ALDH1L2: variants seen among roughly 807,000 people sequenced by gnomAD.
ALDH1L2 encodes mitochondrial 10-formyltetrahydrofolate dehydrogenase.
Under a neutral mutation model 111.0 loss-of-function variants are expected in ALDH1L2, and 91 were observed. The ratio of observed to expected loss-of-function variants is 0.82; its 90% CI spans 0.69 to 0.98. The LOEUF (loss-of-function observed/expected upper bound fraction) is 0.98. ALDH1L2 is among the 50% of genes least tolerant of loss of function. ALDH1L2 has a pLI of 0.00. For missense variants in ALDH1L2, 995 were observed against 1,126.8 expected, an observed-to-expected ratio of 0.88 and a Z score of 1.67; for synonymous variants, 374 against 392.6, an observed-to-expected ratio of 0.95 and a Z score of 0.56.
chr12:105,040,794 T>C, intron 15 of ALDH1L2, 100 bp from the exon 16 acceptor site: 1 of 949,086 alleles, frequency 1.1e-6, no homozygotes, highest in South Asian at 1.4e-5. Context: ...TCTCATTTTA[T>C]TTTTATTGTA....
intron 1 of ALDH1L2, among the ~76,000 whole-genome samples, chr12:105,076,812 A>G (rs919421081): frequency 6.6e-6 from 1 of 152,240 alleles, no homozygotes; most frequent in Non-Finnish European, 1.5e-5. Flanking sequence ...CCATGAGCCA[A>G]ACACTATGTT....
At chr12:105,055,565 A>G (rs118073274) in intron 10 of ALDH1L2, among the ~76,000 whole-genome samples, 1,646 of 152,324 alleles carry the variant, frequency 0.011, 15 homozygotes, top group Middle Eastern at 0.027. Flanking sequence ...AACAGGTGAA[A>G]AAAAAGCAGC....
chr12:105,047,313 A>G (rs571547645), intron 13 of ALDH1L2: 14 of 284,594 alleles, frequency 4.9e-5, no homozygotes, highest in Non-Finnish European at 8.8e-5. Flanking sequence ...ATCAAATACT[A>G]TGGTTCCCAT....
chr12:105,073,446 A>C (rs1045848948), intron 2 of ALDH1L2, among the ~76,000 whole-genome samples: 2 of 152,126 alleles, frequency 1.3e-5, no homozygotes, highest in African/African-American at 4.8e-5. Context: ...ACTAAGGAAG[A>C]GTTCATTTCC....
chr12:105,075,862 T>C (rs774633421), intron 1 of ALDH1L2, among the ~76,000 whole-genome samples: 1 of 152,316 alleles, frequency 6.6e-6, no homozygotes, highest in Admixed American at 6.5e-5. Context: ...CTCGGCTCAC[T>C]GCAGCCTCCG....
intron 6 of ALDH1L2, among the ~76,000 whole-genome samples, chr12:105,064,168 A>T (rs1377930073): frequency 1.4e-5 from 1 of 72,576 alleles, no homozygotes; most frequent in Non-Finnish European, 2.5e-5. Flanking sequence ...TTTTTAGTAG[A>T]GACAGGGTTT....
chr12:105,063,081 T>C (rs1877102373), intron 6 of ALDH1L2, 59 bp from the exon 7 acceptor site: 1 of 1,527,532 alleles, frequency 6.5e-7, no homozygotes, highest in Non-Finnish European at 8.8e-7. Context: ...CATAGCGGTA[T>C]GTATAAGCAT....
chr12:105,082,225 G>A (rs1423104806), intron 1 of ALDH1L2, among the ~76,000 whole-genome samples: 1 of 152,118 alleles, frequency 6.6e-6, no homozygotes, highest in African/African-American at 2.4e-5. Flanking sequence ...TAATTTGCAT[G>A]GGTAAAATGC....
chr12:105,031,092 T>C (rs1356057836), intron 20 of ALDH1L2, among the ~76,000 whole-genome samples: 1 of 152,228 alleles, frequency 6.6e-6, no homozygotes, highest in Non-Finnish European at 1.5e-5. Flanking sequence ...CTTTGGATGA[T>C]ATTTGTTTCT....
At chr12:105,044,902 A>C (rs1235439881) in intron 15 of ALDH1L2, among the ~76,000 whole-genome samples, 2 of 151,374 alleles carry the variant, frequency 1.3e-5, no homozygotes, top group Non-Finnish European at 2.9e-5. Flanking sequence ...TTTTTTTGCT[A>C]AGTATATAGA....
At chr12:105,042,778 A>C (rs923677175) in intron 15 of ALDH1L2, among the ~76,000 whole-genome samples, 1 of 152,166 alleles carries the variant, frequency 6.6e-6, no homozygotes, top group Non-Finnish European at 1.5e-5. Flanking sequence ...CAGCAAATAC[A>C]TATTTTCTTA....
At chr12:105,036,510 TATTTTATATATATA>T (rs1360633551) in intron 18 of ALDH1L2, among the ~76,000 whole-genome samples, 3 of 71,652 alleles carry the variant, frequency 4.2e-5, no homozygotes, top group Non-Finnish European at 8.5e-5. Flanking sequence ...TGTATATATA[TATTTTATATATATA>T]TATATATATA....
At chr12:105,059,637 G>A (rs1433598421) in intron 9 of ALDH1L2, among the ~76,000 whole-genome samples, 1 of 152,168 alleles carries the variant, frequency 6.6e-6, no homozygotes, top group Non-Finnish European at 1.5e-5. Flanking sequence ...TGAAATGATT[G>A]TTTTTGATTT....
intron 1 of ALDH1L2, among the ~76,000 whole-genome samples, chr12:105,080,608 T>C (rs191443280): frequency 8.5e-5 from 13 of 152,324 alleles, no homozygotes; most frequent in Admixed American, 3.3e-4. Context: ...ATAATCTAGG[T>C]TGAGAATCCC....
chr12:105,058,441 T>A (rs543242746), intron 9 of ALDH1L2, among the ~76,000 whole-genome samples: 7 of 152,196 alleles, frequency 4.6e-5, no homozygotes, highest in African/African-American at 7.2e-5. Flanking sequence ...TAAAACTTTA[T>A]CCATGACTAA....
intron 1 of ALDH1L2, among the ~76,000 whole-genome samples, chr12:105,074,457 C>CAAAAAAAAAAGAAAAAAAAAA (rs1565974203): frequency 1.1e-5 from 1 of 93,710 alleles, no homozygotes; most frequent in African/African-American, 6.7e-5. Context: ...GACTCTGTCT[C>CAAAAAAAAAAGAAAAAAAAAA]CAAAAAAAAA....
rs546898218 is a variant in ALDH1L2, at chr12:105,045,285, A to G, written c.1863+1425T>C. On this transcript the variant is annotated intron_variant, in intron 15 of 22. Coordinates refer to ENST00000258494, the MANE Select transcript of ALDH1L2 (RefSeq NM_001034173.4). ...TTTTTAGTAGAGATGGGGTTTCACC[A>G]TGTTGGCCAGGCTGGTCTTGAACTC... Among the ~76,000 whole-genome samples, 53 of 152,254 alleles carry G rather than the reference A, an allele frequency of 3.5e-4. 1 individual carries two copies. The South Asian group carries it at 9.5e-3, about 27-fold the overall frequency.
At chr12:105,042,509 C>A (rs1224385589) in intron 15 of ALDH1L2, among the ~76,000 whole-genome samples, 1 of 152,056 alleles carries the variant, frequency 6.6e-6, no homozygotes, top group African/African-American at 2.4e-5. Context: ...TCAATGGGGT[C>A]ATGTTATTCA....
chr12:105,040,486 T>G, intron 16 of ALDH1L2, 121 bp downstream of exon 16: 1 of 915,256 alleles, frequency 1.1e-6, no homozygotes, highest in Non-Finnish European at 1.8e-6. Flanking sequence ...AACTGTTTGG[T>G]GAATTGTATT....
Sources: gnomAD v4.1 joint callset for allele counts (sites outside exome capture counted in the v4.1 genomes callset) on GRCh38, gnomAD v4.1.1 for gene constraint, MANE v1.5 for transcripts, NCBI Gene and HGNC (gene_info 2026-07-23, HGNC 2026-07-21) for gene names.